The following ASRGL1 variants were observed in gnomAD, a reference collection of about 807,000 sequenced individuals.
ASRGL1 encodes isoaspartyl peptidase/L-asparaginase.
Under a neutral mutation model 22.4 loss-of-function variants are expected in ASRGL1, and 16 were observed. The ratio of observed to expected loss-of-function variants is 0.71; its 90% confidence interval spans 0.48 to 1.08. ASRGL1 has a LOEUF of 1.08. Ranked by LOEUF, ASRGL1 falls within the 50% of genes least tolerant of loss-of-function variation. The pLI is 0.00. For missense variants in ASRGL1, 412 were observed against 410.1 expected, an observed-to-expected ratio of 1.00 and a Z score of -0.04; for synonymous variants, 165 against 159.3, an observed-to-expected ratio of 1.04 and a Z score of -0.27.
intron 4 of ASRGL1, among the ~76,000 whole-genome samples, chr11:62,377,820 T>TG (rs762739730): frequency 1.8e-4 from 28 of 152,322 alleles, no homozygotes; most frequent in Non-Finnish European, 2.5e-4. Flanking sequence ...CCAAGTACAA[T>TG]GTAAAAGTCT....
At chr11:62,362,687 T>C (rs1354766855) in intron 4 of ASRGL1, among the ~76,000 whole-genome samples, 4 of 31,018 alleles carry the variant, frequency 1.3e-4, no homozygotes, top group Non-Finnish European at 1.4e-4. Context: ...TTATATAAAA[T>C]ATATATTATA....
chr11:62,352,736 G>GA (rs1159859971), intron 2 of ASRGL1, among the ~76,000 whole-genome samples: 1 of 152,164 alleles, frequency 6.6e-6, no homozygotes, highest in Non-Finnish European at 1.5e-5. Flanking sequence ...TTCAGCACTT[G>GA]AAAAATGCTG....
chr11:62,396,062 C>G (rs925087131), downstream of ASRGL1, among the ~76,000 whole-genome samples: 3 of 152,054 alleles, frequency 2.0e-5, no homozygotes, highest in Admixed American at 6.5e-5. Flanking sequence ...CACCACCGCA[C>G]CCGGCCTTTG....
At chr11:62,393,754 G>A (rs1037729243), downstream of ASRGL1, among the ~76,000 whole-genome samples, 4 of 152,034 alleles carry the variant, frequency 2.6e-5, no homozygotes, top group Admixed American at 1.3e-4. Flanking sequence ...GCCACAACAC[G>A]ATTCCACAGA....
chr11:62,375,428 T>TTATATATATATATATA (rs71053051), intron 4 of ASRGL1, among the ~76,000 whole-genome samples: 8 of 69,016 alleles, frequency 1.2e-4, no homozygotes, highest in African/African-American at 1.3e-4. Flanking sequence ...TTGTCTTACT[T>TTATATATATATATATA]TATATATATA....
At chr11:62,372,567 A>G (rs1946802169) in intron 4 of ASRGL1, 5 of 898,966 alleles carry the variant, frequency 5.6e-6, no homozygotes, top group East Asian at 2.4e-5. Context: ...TTGAGAAGAC[A>G]AAAGACAGAT....
intron 2 of ASRGL1, among the ~76,000 whole-genome samples, chr11:62,350,056 T>C (rs924299667): frequency 7.2e-5 from 11 of 152,330 alleles, no homozygotes; most frequent in African/African-American, 2.6e-4. Flanking sequence ...GCTGACCTTG[T>C]GTCTCATCCT....
In ASRGL1 at chr11:62,392,101, G is replaced by A. The variant is rs374349770; in HGVS notation, c.744G>A (p.Ala248=). 63 of 1,614,074 alleles carry A rather than the reference G, an allele frequency of 3.9e-5. No homozygotes were observed. The East Asian group carries it at 4.2e-4, about 11-fold the overall frequency. Residue 248 remains alanine, a synonymous_variant, in exon 7 of 7, where the codon GCG becomes GCA. Coordinates refer to ENST00000415229, the MANE Select transcript of ASRGL1 (RefSeq NM_001083926.2). ...CAGGAAAGACGGTAGAAGAGGCTGC[G>A]GACCTATCGTTGGGTTATATGAAGT... The part of the protein sequence containing the change: ...IEQGKTVEEA[A]DLSLGYMKSR...
At chr11:62,400,165 G>GC in the ASRGL1 span, among the ~76,000 whole-genome samples, 5 of 152,176 alleles carry the variant, frequency 3.3e-5, no homozygotes, top group Middle Eastern at 3.4e-3. Context: ...GTCCCCCACT[G>GC]CCCCCCAGGA....
chr11:62,363,415 G>T (rs911780746), intron 4 of ASRGL1, among the ~76,000 whole-genome samples: 3 of 152,046 alleles, frequency 2.0e-5, no homozygotes, highest in African/African-American at 7.2e-5. Flanking sequence ...CTATTTTTCA[G>T]TTCAGTATAA....
intron 4 of ASRGL1, chr11:62,382,107 T>G (rs1415134028): frequency 6.6e-6 from 1 of 151,950 alleles, no homozygotes; most frequent in Non-Finnish European, 1.5e-5. Context: ...GCTAACAGGG[T>G]GAAACCCCAT....
Position 62,383,471 on chromosome 11 carries a change from C to T in ASRGL1, c.492-5662C>T, listed in dbSNP as rs1407754122. Among the ~76,000 whole-genome samples the T allele has an allele frequency of 2.7e-5, 4 of 150,334 alleles. No homozygotes were observed. The East Asian group carries it at 5.8e-4, about 22-fold the overall frequency. ...ACAAAAAATTAGCCGGGCGTAGTGG[C>T]GGGCGCCTGTAGTCCCAGCTACTCG... On this transcript the variant is annotated intron_variant, in intron 4 of 6. Coordinates refer to ENST00000415229, the MANE Select transcript of ASRGL1 (RefSeq NM_001083926.2).
downstream of ASRGL1, among the ~76,000 whole-genome samples, chr11:62,396,619 G>A (rs1947435464): frequency 6.6e-6 from 1 of 152,108 alleles, no homozygotes; most frequent in South Asian, 2.1e-4. Flanking sequence ...AGGGCCCCAG[G>A]CGAAAAGCAA....
chr11:62,353,865 A>G (rs566665179), intron 2 of ASRGL1, among the ~76,000 whole-genome samples: 1 of 152,332 alleles, frequency 6.6e-6, no homozygotes, highest in Non-Finnish European at 1.5e-5. Context: ...TGATCAGTGT[A>G]AAGGGATGCC....
chr11:62,357,289 G>A (rs1946325895), intron 4 of ASRGL1, 145 bp downstream of exon 4: 2 of 983,088 alleles, frequency 2.0e-6, no homozygotes, highest in African/African-American at 1.7e-5. Context: ...TCTCTCTGTT[G>A]CCCAGACTGG....
chr11:62,401,144 C>G, the ASRGL1 span, among the ~76,000 whole-genome samples: 2 of 152,368 alleles, frequency 1.3e-5, no homozygotes, highest in African/African-American at 4.8e-5. Context: ...TGCCATTAAC[C>G]CTCTGTAACT....
intron 4 of ASRGL1, among the ~76,000 whole-genome samples, chr11:62,360,572 G>A (rs888717644): frequency 6.6e-6 from 1 of 152,158 alleles, no homozygotes; most frequent in Non-Finnish European, 1.5e-5. Context: ...AACACTGGAA[G>A]CAGTAAAAGC....
At chr11:62,386,388 ATTATT>A (rs1023218387) in intron 4 of ASRGL1, among the ~76,000 whole-genome samples, 6 of 69,496 alleles carry the variant, frequency 8.6e-5, no homozygotes, top group Admixed American at 4.5e-4. Flanking sequence ...TTATAATTGT[ATTATT>A]TTATTATTGT....
At position 62,338,092 on chromosome 11, in the gene ASRGL1, C is replaced by G. The variant is rs533515407; in HGVS notation, c.115C>G (p.Arg39Gly). Residue 39 changes from arginine (R) to glycine (G), a missense_variant, in exon 2 of 7, where the codon CGG becomes GGG. Physicochemically the swap from Arg to Gly is moderately radical, Grantham distance 125. Coordinates refer to ENST00000415229, the MANE Select transcript of ASRGL1 (RefSeq NM_001083926.2). ...RAATVGYGIL[R>G]EGGSAVDAVE... ...CGCCACCGTGGGCTACGGCATCCTC[C>G]GGGAGGGCGGGAGCGCCGTGGATGC... The G allele has an allele frequency of 1.9e-6, 3 of 1,606,510 alleles. No homozygotes were observed. The highest frequency in any genetic ancestry group is 2.5e-6 in the Non-Finnish European group (3 of 1,177,034).
Sources: allele counts gnomAD v4.1 joint callset (sites outside exome capture counted in the v4.1 genomes callset), GRCh38; gene constraint gnomAD v4.1.1; transcripts MANE v1.5; gene names NCBI Gene and HGNC (gene_info 2026-07-23, HGNC 2026-07-21).